ST3GAL3: variants seen among roughly 807,000 people sequenced by gnomAD.
The protein encoded by ST3GAL3 is CMP-N-acetylneuraminate-beta-1,4-galactoside alpha-2,3-sialyltransferase.
In ST3GAL3, 21 loss-of-function variants were observed where a neutral mutation model predicts 50.1. The ratio of observed to expected loss-of-function variants is 0.42; its 90% CI spans 0.30 to 0.60. The LOEUF is 0.60. Ranked by LOEUF, ST3GAL3 falls within the 20% of genes least tolerant of loss-of-function variation. The pLI, the probability that ST3GAL3 is intolerant of heterozygous loss-of-function variation, is 0.19. For missense variants in ST3GAL3, 353 were observed against 489.4 expected (o/e 0.72, Z 2.63); for synonymous variants, 183 against 190.0 (o/e 0.96, Z 0.30).
At chr1:43,790,321 A>G (rs1254339661) in intron 2 of ST3GAL3, among the ~76,000 whole-genome samples, 1 of 152,184 alleles carries the variant, frequency 6.6e-6, no homozygotes, top group East Asian at 1.9e-4. Context: ...TTGAATGTCC[A>G]TGTGCAATGA....
At chr1:43,832,585 A>G (rs1400971125) in intron 4 of ST3GAL3, among the ~76,000 whole-genome samples, 2 of 152,130 alleles carry the variant, frequency 1.3e-5, no homozygotes, top group Non-Finnish European at 2.9e-5. Flanking sequence ...TGCAAGCAAG[A>G]CCCAGCAGAC....
chr1:43,807,079 C>T (rs978608021), intron 3 of ST3GAL3, among the ~76,000 whole-genome samples: 2 of 152,118 alleles, frequency 1.3e-5, no homozygotes, highest in African/African-American at 2.4e-5. Flanking sequence ...AGTTCAGCCT[C>T]GCAGGAACAT....
At position 43,786,579 on chromosome 1, in the gene ST3GAL3, C is replaced by T. The variant is rs115445784; in HGVS notation, c.119-5523C>T. 7.5e-3 allele frequency among the ~76,000 whole-genome samples: 1,139 copies of T among 152,322 alleles called. 6 individuals carry two copies. Among genetic ancestry groups the T allele is most frequent in the Non-Finnish European group, 0.012 (839 of 68,038 alleles). On this transcript the variant is annotated intron_variant, in intron 2 of 11. Transcript: ENST00000347631. ...GTCTAACACTGCCTGTACCTCTACC[C>T]TTGGTCTCCGTTACATGCTTTAATA...
intron 4 of ST3GAL3, among the ~76,000 whole-genome samples, chr1:43,834,431 A>G (rs904777633): frequency 2.6e-5 from 4 of 152,062 alleles, no homozygotes; most frequent in African/African-American, 9.7e-5. Flanking sequence ...TCACCTCCAC[A>G]TTCCAGTGGA....
At chr1:43,723,564 C>T (rs1671516149) in intron 1 of ST3GAL3, among the ~76,000 whole-genome samples, 2 of 152,136 alleles carry the variant, frequency 1.3e-5, no homozygotes, top group Non-Finnish European at 2.9e-5. Flanking sequence ...TTAGAAATTA[C>T]CCAGTCTCAG....
intron 2 of ST3GAL3, among the ~76,000 whole-genome samples, chr1:43,752,237 G>A (rs1454129964): frequency 6.6e-6 from 1 of 152,186 alleles, no homozygotes; most frequent in Admixed American, 6.5e-5. Flanking sequence ...TTACAGGTAA[G>A]GCTAATGAGG....
At chr1:43,771,319 G>A (rs1439494931) in intron 2 of ST3GAL3, among the ~76,000 whole-genome samples, 1 of 151,728 alleles carries the variant, frequency 6.6e-6, no homozygotes, top group Non-Finnish European at 1.5e-5. Flanking sequence ...AGTGATTCTT[G>A]GAAATCATTA....
intron 2 of ST3GAL3, among the ~76,000 whole-genome samples, chr1:43,759,109 A>ACACACACACACACAC (rs1553286169): frequency 6.6e-6 from 1 of 150,708 alleles, no homozygotes; most frequent in African/African-American, 2.4e-5. Context: ...ACACACACAG[A>ACACACACACACACAC]AGGGGATATA....
chr1:43,802,028 AAG>A (rs2059382271), intron 3 of ST3GAL3, among the ~76,000 whole-genome samples: 1 of 152,186 alleles, frequency 6.6e-6, no homozygotes, highest in East Asian at 1.9e-4. Context: ...ACAAACCAAA[AAG>A]AACTATGATG....
At chr1:43,801,369 G>GT in intron 3 of ST3GAL3, 1 of 456,252 alleles carries the variant, frequency 2.2e-6, no homozygotes, top group Non-Finnish European at 4.4e-6. Context: ...CCAGTAGCAT[G>GT]TTAGGCTCAT....
chr1:43,738,321 A>G (rs1679349523), intron 2 of ST3GAL3: 2 of 152,140 alleles, frequency 1.3e-5, no homozygotes, highest in Non-Finnish European at 2.9e-5. Context: ...TAGCTGACTA[A>G]CCAGTATTTA....
intron 2 of ST3GAL3, among the ~76,000 whole-genome samples, chr1:43,748,423 A>AT (rs1215322512): frequency 0.2 from 21,782 of 111,008 alleles, 2,827 homozygotes; most frequent in Non-Finnish European, 0.26. Context: ...AACAGCCCCC[A>AT]TTTTTTTTTT....
intron 2 of ST3GAL3, among the ~76,000 whole-genome samples, chr1:43,753,024 A>C (rs1431049494): frequency 6.6e-6 from 1 of 152,232 alleles, no homozygotes; most frequent in Admixed American, 6.5e-5. Flanking sequence ...ATTGATGTAA[A>C]TATGCATCAG....
intron 2 of ST3GAL3, among the ~76,000 whole-genome samples, chr1:43,776,872 G>A (rs932184160): frequency 6.6e-6 from 1 of 152,170 alleles, no homozygotes; most frequent in African/African-American, 2.4e-5. Context: ...TCATGAGAAA[G>A]TATAAAGACT....
chr1:43,914,743 G>A (rs895276648), intron 9 of ST3GAL3: 1 of 152,666 alleles, frequency 6.6e-6, no homozygotes, highest in Non-Finnish European at 1.5e-5. Flanking sequence ...TTTGGTGTGT[G>A]CAGGGCAGGC....
chr1:43,752,338 G>C (rs943451891), intron 2 of ST3GAL3, among the ~76,000 whole-genome samples: 3 of 152,122 alleles, frequency 2.0e-5, no homozygotes, highest in Non-Finnish European at 4.4e-5. Flanking sequence ...ATTTTAAGTG[G>C]GTTGATCACT....
Position 43,930,318 on chromosome 1 carries a change from C to A in ST3GAL3, c.*97C>A. 1 of 1,230,322 alleles carries A rather than the reference C, an allele frequency of 8.1e-7. No individual in the cohort carries two copies. The highest frequency in any genetic ancestry group is 1.2e-6 in the Non-Finnish European group (1 of 840,776). The allele number at this position is 1,230,322 out of a possible 1,614,324, so 76.2% of individuals were successfully genotyped here. A position where few individuals can be genotyped will look rare whatever the true frequency, so the allele number is the denominator to read the frequency against. On this transcript the variant is annotated 3_prime_UTR_variant, in exon 12 of 12. Transcript: ENST00000347631. ...TCTTCAGACCCAGAGAAGGACGGTG[C>A]CAAGGGCCCCAGGGGCAGCAAGGCC...
At chr1:43,752,533 C>T (rs1686558635) in intron 2 of ST3GAL3, among the ~76,000 whole-genome samples, 1 of 152,054 alleles carries the variant, frequency 6.6e-6, no homozygotes, top group Non-Finnish European at 1.5e-5. Flanking sequence ...CAGGGTCTCG[C>T]TCTGTGTCCC....
In ST3GAL3 at chr1:43,707,686, C is replaced by T. The variant is rs999685200; in HGVS notation, c.-38C>T. ...CGCCACCTCCCCCCTGCCTCCCTCT[C>T]CGCTGTGGTAAGGGCCTGCCCAGTG... On this transcript the variant is annotated 5_prime_UTR_variant, in exon 1 of 12. Coordinates refer to ENST00000347631, the MANE Select transcript of ST3GAL3 (RefSeq NM_006279.5). 2 of 151,980 alleles carry T rather than the reference C, an allele frequency of 1.3e-5. No individual in the cohort carries two copies. The highest frequency in any genetic ancestry group is 1.9e-4 in the East Asian group (1 of 5,184). The allele number at this position is 151,980 out of a possible 1,614,324, so 9.4% of individuals were successfully genotyped here. A position where few individuals can be genotyped will look rare whatever the true frequency, so the allele number is the denominator to read the frequency against.
Sources: allele counts gnomAD v4.1 joint callset (sites outside exome capture counted in the v4.1 genomes callset), GRCh38; gene constraint gnomAD v4.1.1; transcripts MANE v1.5; gene names NCBI Gene and HGNC (gene_info 2026-07-23, HGNC 2026-07-21).